FAT3: variants seen among roughly 807,000 people sequenced by gnomAD.
The protein encoded by FAT3 is FAT atypical cadherin 3.
FAT3 carries 95 observed loss-of-function variants against 310.2 expected under a neutral mutation model. The ratio of observed to expected loss-of-function variants is 0.31; its 90% confidence interval spans 0.26 to 0.36. The LOEUF (loss-of-function observed/expected upper bound fraction) is 0.36, where lower values mean the gene tolerates loss of function less well. FAT3 is among the 10% of genes least tolerant of loss of function. The pLI is 1.00. For synonymous variants in FAT3, 2,314 were observed against 2,192.9 expected, an observed-to-expected ratio of 1.06 and a Z score of -1.54; for missense variants, 5,408 against 5,715.6, an observed-to-expected ratio of 0.95 and a Z score of 1.74.
intron 1 of FAT3, among the ~76,000 whole-genome samples, chr11:92,347,432 A>G (rs1258709944): frequency 2.0e-5 from 3 of 152,134 alleles, no homozygotes; most frequent in Non-Finnish European, 4.4e-5. Context: ...GGGAATGAAA[A>G]TGAAATATAT....
intron 2 of FAT3, among the ~76,000 whole-genome samples, chr11:92,412,738 TATATATAAATATAC>T (rs1358874118): frequency 0.023 from 1,449 of 63,642 alleles, 239 homozygotes; most frequent in African/African-American, 0.094. Context: ...TATATATATA[TATATATAAATATAC>T]ATACATATAT....
chr11:92,362,577 G>C (rs1432752433), intron 2 of FAT3, among the ~76,000 whole-genome samples: 1 of 152,134 alleles, frequency 6.6e-6, no homozygotes, highest in Non-Finnish European at 1.5e-5. Context: ...TCCACAGATG[G>C]GTGGAACAGT....
At chr11:92,720,054 G>A (rs1238227377) in intron 4 of FAT3, among the ~76,000 whole-genome samples, 1 of 152,040 alleles carries the variant, frequency 6.6e-6, no homozygotes, top group African/African-American at 2.4e-5. Context: ...TATACCACAG[G>A]GGCAGGGGCT....
rs754487703 is a variant in FAT3 at position 92,866,775 on chromosome 11, G to C, written c.11693G>C (p.Cys3898Ser). Residue 3898 changes from cysteine to serine, a missense_variant, in exon 22 of 28, where the codon TGC becomes TCC. By Grantham distance (112) the Cys-to-Ser change is moderately radical (BLOSUM62 -1). This residue lies in a region of FAT3 where 4,588 missense variants were observed against 4,809.8 expected (regional missense o/e 0.95). Coordinates refer to ENST00000525166, the MANE Select transcript of FAT3 (RefSeq NM_001367949.2). ...GGCAAGCTGTGGTTCCAGCTGGACTGCGGCAGCGGCCCTGGAATCTTGGGC... is the reference window on the plus strand; with the variant it reads ...GGCAAGCTGTGGTTCCAGCTGGACTCCGGCAGCGGCCCTGGAATCTTGGGC... Reference protein sequence around the residue: ...VDGKLWFQLDCGSGPGILGIS... With the variant: ...VDGKLWFQLDSGSGPGILGIS... The C allele has an allele frequency of 1.9e-6, 3 of 1,613,718 alleles. No homozygotes were observed. The highest frequency in any genetic ancestry group is 1.7e-6 in the Non-Finnish European group (2 of 1,179,852).
At chr11:92,351,093 T>C (rs1948552233) in intron 1 of FAT3, among the ~76,000 whole-genome samples, 1 of 152,194 alleles carries the variant, frequency 6.6e-6, no homozygotes, top group African/African-American at 2.4e-5. Flanking sequence ...TTAATAGTCA[T>C]TGATGAAAGT....
At chr11:92,231,640 T>C (rs1392523656) in intron 1 of FAT3, among the ~76,000 whole-genome samples, 1 of 152,216 alleles carries the variant, frequency 6.6e-6, no homozygotes, top group Non-Finnish European at 1.5e-5. Flanking sequence ...AAGTGAGCAC[T>C]CTGGAGCAGC....
rs1287085406 is a variant in FAT3 at position 92,835,035 on chromosome 11, A to G, written c.10037A>G (p.Tyr3346Cys). The G allele has an allele frequency of 6.2e-7, 1 of 1,613,728 alleles. No homozygotes were observed. The highest frequency in any genetic ancestry group is 8.5e-7 in the Non-Finnish European group (1 of 1,179,796). ...CCTCCCAAGTTCAGCCAAGACGTCTACAGTGCGGTTATCAGTGAAGACGCC... is the reference window on the plus strand; with the variant it reads ...CCTCCCAAGTTCAGCCAAGACGTCTGCAGTGCGGTTATCAGTGAAGACGCC... Reference protein sequence around the residue: ...DNPPKFSQDVYSAVISEDALV... With the variant: ...DNPPKFSQDVCSAVISEDALV... Residue 3346 changes from tyrosine (Y) to cysteine (C), a missense_variant, in exon 15 of 28, where the codon TAC becomes TGC. Physicochemically the swap from Tyr to Cys is radical, Grantham distance 194. Transcript: ENST00000525166.
chr11:92,404,977 A>G (rs1950106295), intron 2 of FAT3, among the ~76,000 whole-genome samples: 1 of 152,044 alleles, frequency 6.6e-6, no homozygotes, highest in Admixed American at 6.6e-5. Context: ...TTGGTATGGA[A>G]TTATACCACC....
Position 92,798,150 on chromosome 11 carries a change from A to C in FAT3, c.5137A>C (p.Ile1713Leu). The change falls in exon 10 of 28, where the codon ATC becomes CTC. Residue 1713 changes from isoleucine to leucine, a missense_variant. By Grantham distance (5) the Ile-to-Leu change is conservative. Transcript: ENST00000525166. Reference sequence around the variant, plus strand: ...AGTCAAAGATGGAGACATTAATGGGATCTTTACCATAAATCCATATTCTGG... The same window carrying C: ...AGTCAAAGATGGAGACATTAATGGGCTCTTTACCATAAATCCATATTCTGG... ...YEVKDGDING[I>L]FTINPYSGVI... 2 of 1,613,938 alleles carry C rather than the reference A, an allele frequency of 1.2e-6. No homozygotes were observed. The highest frequency in any genetic ancestry group is 1.7e-6 in the Non-Finnish European group (2 of 1,179,870).
intron 2 of FAT3, among the ~76,000 whole-genome samples, chr11:92,462,939 A>T (rs79467742): frequency 0.015 from 2,242 of 152,244 alleles, 53 homozygotes; most frequent in African/African-American, 0.052. Flanking sequence ...GGCATTTTTT[A>T]AGTCCTTTAT....
At chr11:92,651,077 T>A (rs1294729870) in intron 3 of FAT3, among the ~76,000 whole-genome samples, 1 of 152,192 alleles carries the variant, frequency 6.6e-6, no homozygotes, top group African/African-American at 2.4e-5. Context: ...TCCTTTGGTT[T>A]GTGGATATAC....
At chr11:92,488,235 A>G (rs1283445292) in intron 2 of FAT3, among the ~76,000 whole-genome samples, 1 of 152,056 alleles carries the variant, frequency 6.6e-6, no homozygotes, top group Non-Finnish European at 1.5e-5. Context: ...GGCAGCCTGA[A>G]TAAGCTTGTA....
chr11:92,549,662 C>G (rs1954734419), intron 3 of FAT3, among the ~76,000 whole-genome samples: 1 of 152,140 alleles, frequency 6.6e-6, no homozygotes, highest in African/African-American at 2.4e-5. Flanking sequence ...CACAATAACA[C>G]ACTGAAGTGA....
chr11:92,835,143 G>A lies in FAT3; in HGVS notation c.10086+59G>A, dbSNP rs527955988. ...TTTGGGACTAGTCATCCACAATAAAGTGAAGAAGAAAGCAAAGTCCGTCTT... is the reference window on the plus strand; with the variant it reads ...TTTGGGACTAGTCATCCACAATAAAATGAAGAAGAAAGCAAAGTCCGTCTT... On this transcript the variant is annotated intron_variant, in intron 15 of 27. Coordinates refer to ENST00000525166, the MANE Select transcript of FAT3 (RefSeq NM_001367949.2). The A allele has an allele frequency of 7.6e-6, 11 of 1,452,594 alleles. 1 individual carries two copies. The highest frequency in any genetic ancestry group is 6.4e-5 in the South Asian group (5 of 77,776). The allele number at this position is 1,452,594 out of a possible 1,614,324, so 90.0% of individuals were successfully genotyped here.
rs144271210 is a variant in FAT3 at position 92,568,243 on chromosome 11, C to T, written c.3607+43295C>T. Among the ~76,000 whole-genome samples the T allele has an allele frequency of 4.5e-3, 690 of 152,098 alleles. 3 individuals are homozygous for T. Among genetic ancestry groups the T allele is most frequent in the Non-Finnish European group, 6.1e-3 (418 of 67,978 alleles). On this transcript the variant is annotated intron_variant, in intron 3 of 27. Transcript: ENST00000525166. ...CAATGCATTTTGCAATTTCTAAATA[C>T]GTTTAAGTTCCCCCAAGATAAGAAG...
intron 1 of FAT3, among the ~76,000 whole-genome samples, chr11:92,342,282 G>A (rs937472413): frequency 2.0e-4 from 31 of 152,102 alleles, no homozygotes; most frequent in African/African-American, 6.7e-4. Context: ...GCAGCTCTAC[G>A]TATGCCCAAG....
intron 13 of FAT3, among the ~76,000 whole-genome samples, chr11:92,827,537 C>T (rs1022080347): frequency 6.6e-6 from 1 of 152,280 alleles, no homozygotes; most frequent in South Asian, 2.1e-4. Flanking sequence ...AGGTAAAGTC[C>T]CCTGTCTTCC....
chr11:92,284,886 G>C (rs1215836930), intron 1 of FAT3, among the ~76,000 whole-genome samples: 1 of 152,136 alleles, frequency 6.6e-6, no homozygotes, highest in African/African-American at 2.4e-5. Flanking sequence ...GGGTGAAATT[G>C]CATTGCTGAA....
intron 7 of FAT3, among the ~76,000 whole-genome samples, chr11:92,781,899 G>A (rs1946764080): frequency 6.6e-6 from 1 of 152,154 alleles, no homozygotes; most frequent in African/African-American, 2.4e-5. Context: ...ATTTATGAAA[G>A]ACAGCAGAGA....
Sources: gnomAD v4.1 joint callset for allele counts (sites outside exome capture counted in the v4.1 genomes callset) on GRCh38, gnomAD v4.1.1 for gene constraint, gnomAD v4.1.1 regional missense constraint, MANE v1.5 for transcripts, NCBI Gene and HGNC (gene_info 2026-07-23, HGNC 2026-07-21) for gene names.